Variants in ENTPD7 observed in about 807,000 individuals in gnomAD.
ENTPD7 encodes the protein NTPDase 7.
ENTPD7 carries 53 observed loss-of-function variants against 77.9 expected under a neutral mutation model. The observed-to-expected ratio is 0.68, with a 90% confidence interval of 0.55 to 0.85. The LOEUF (loss-of-function observed/expected upper bound fraction) is 0.85. Ranked by LOEUF, ENTPD7 falls within the 40% of genes least tolerant of loss-of-function variation. ENTPD7 has a pLI of 0.00. For synonymous variants in ENTPD7, 248 were observed against 274.9 expected, an observed-to-expected ratio of 0.90 and a Z score of 0.97; for missense variants, 636 against 743.7, an observed-to-expected ratio of 0.86 and a Z score of 1.68.
In ENTPD7 at chr10:99,672,307, C is replaced by CTT. The variant is rs35775014; in HGVS notation, c.192-6940_192-6939dup. 2.1e-3 allele frequency among the ~76,000 whole-genome samples: 296 copies of CTT among 138,674 alleles called. 2 individuals are homozygous for CTT. The highest frequency in any genetic ancestry group is 5.2e-3 in the African/African-American group (196 of 37,372). 91.0% of individuals were successfully genotyped at this position (138,674 alleles called of 152,430 possible). A position where few individuals can be genotyped will look rare whatever the true frequency, so the allele number is the denominator to read the frequency against. On this transcript the variant is annotated intron_variant, in intron 3 of 12. Transcript: ENST00000370489. ...TCCCACATTTATTCAGTTACTTGATCTTTTTTTTTTTTTTTGGAAACAGGG... is the reference window on the plus strand; with the variant it reads ...TCCCACATTTATTCAGTTACTTGATCTTTTTTTTTTTTTTTTTGGAAACAGGG...
chr10:99,662,400 G>A (rs560023818), intron 3 of ENTPD7, among the ~76,000 whole-genome samples: 2 of 152,020 alleles, frequency 1.3e-5, no homozygotes, highest in South Asian at 4.1e-4. Context: ...CTTCCTTCAA[G>A]TAATATTACT....
intron 11 of ENTPD7, among the ~76,000 whole-genome samples, 161 bp downstream of exon 11, chr10:99,701,219 T>C (rs1294098072): frequency 6.6e-6 from 1 of 152,158 alleles, no homozygotes; most frequent in African/African-American, 2.4e-5. Context: ...AGTGAGCCTA[T>C]TATAGCAAAG....
At chr10:99,665,231 G>A (rs927379222) in intron 3 of ENTPD7, among the ~76,000 whole-genome samples, 1 of 148,230 alleles carries the variant, frequency 6.7e-6, no homozygotes, top group African/African-American at 2.5e-5. Context: ...CCAGCCTGGG[G>A]GACAGAGTGA....
At position 99,698,837 on chromosome 10, in the gene ENTPD7, A is replaced by G. The variant is rs1330191682; in HGVS notation, c.1314A>G (p.Pro438=). ...GCATTGGTGGCCGCTACCATGGGCC[A>G]ACATTTGCCAAGGCTGCTCAGGTAA... ...VLRIGGRYHG[P]TFAKAAQDYC... The change falls in exon 10 of 13, where the codon CCA becomes CCG. Residue 438 remains proline (P), a synonymous_variant. Transcript: ENST00000370489. The G allele has an allele frequency of 6.2e-7, 1 of 1,604,570 alleles. No individual in the cohort carries two copies. The highest frequency in any genetic ancestry group is 1.7e-5 in the Admixed American group (1 of 59,082).
intron 3 of ENTPD7, among the ~76,000 whole-genome samples, chr10:99,678,840 G>A (rs908095693): frequency 6.7e-6 from 1 of 149,286 alleles, no homozygotes; most frequent in African/African-American, 2.5e-5. Flanking sequence ...CAATATTCTG[G>A]ATGCATCTAT....
At position 99,659,708 on chromosome 10, in the gene ENTPD7, C is replaced by T. The variant is rs2035452125; in HGVS notation, c.-96+120C>T. ...GGACAGAGCTGGCCCACGAGAACGC[C>T]CCGCTCCCAGGATGCCCGGGTAGGG... On this transcript the variant is annotated intron_variant, in intron 1 of 12. Coordinates refer to ENST00000370489, the MANE Select transcript of ENTPD7 (RefSeq NM_020354.5). The surrounding 1 kb of genome is among the most constrained non-coding windows in gnomAD (Gnocchi z 4.1). 1 of 478,928 alleles carries T rather than the reference C, an allele frequency of 2.1e-6. No individual in the cohort carries two copies. Among genetic ancestry groups the T allele is most frequent in the African/African-American group, 2.0e-5 (1 of 49,972 alleles). 29.7% of individuals were successfully genotyped at this position (478,928 alleles called of 1,614,324 possible).
At chr10:99,686,386 A>G (rs1355577528) in intron 6 of ENTPD7, among the ~76,000 whole-genome samples, 1 of 152,136 alleles carries the variant, frequency 6.6e-6, no homozygotes, top group Non-Finnish European at 1.5e-5. Flanking sequence ...TTGGGTTTGT[A>G]CTTTTAGAGT....
At chr10:99,660,548 AC>A in intron 2 of ENTPD7, 1 of 352,382 alleles carries the variant, frequency 2.8e-6, no homozygotes, top group Non-Finnish European at 5.7e-6. Context: ...ACACACACAC[AC>A]ACACACACAC....
intron 3 of ENTPD7, among the ~76,000 whole-genome samples, chr10:99,670,592 C>T (rs919778340): frequency 7.9e-5 from 12 of 152,148 alleles, no homozygotes; most frequent in Non-Finnish European, 1.5e-4. Flanking sequence ...GTGGTGTATA[C>T]GCTCCTAGCC....
chr10:99,660,100 C>G, intron 2 of ENTPD7, 136 bp downstream of exon 2: 2 of 1,330,988 alleles, frequency 1.5e-6, no homozygotes, highest in Non-Finnish European at 2.1e-6. Flanking sequence ...TAGTTGGATG[C>G]AGAGACGATC....
In ENTPD7 at chr10:99,669,192, T is replaced by C. The variant is rs2035588182; in HGVS notation, c.191+7564T>C. ...TGTCCTAGGCCCATTCATTGTTTTA[T>C]GGTCTTGACAAATAAGGCATTGCTT... On this transcript the variant is annotated intron_variant, in intron 3 of 12. Coordinates refer to ENST00000370489, the MANE Select transcript of ENTPD7 (RefSeq NM_020354.5). 5.9e-5 allele frequency among the ~76,000 whole-genome samples: 9 copies of C among 152,198 alleles called. No individual in the cohort carries two copies. The South Asian group carries it at 1.9e-3, about 32-fold the overall frequency.
chr10:99,664,632 A>G (rs886834234), intron 3 of ENTPD7, among the ~76,000 whole-genome samples: 7 of 150,304 alleles, frequency 4.7e-5, no homozygotes, highest in Non-Finnish European at 1.0e-4. Flanking sequence ...TGTATTTTTA[A>G]TAGAGATGGG....
rs2035969329 is a variant in ENTPD7 at position 99,696,064 on chromosome 10, AACTTTGCCCGGCAGCGCTAC to A, written c.953_972del (p.Asn318ArgfsTer7). ...CACAACTTTTCTGGGTTTCGGAGGC[AACTTTGCCCGGCAGCGCTAC>A]GAAGACCTTGTTCTGAATGAAACTC... On this transcript the variant is annotated frameshift_variant, in exon 9 of 13. Coordinates refer to ENST00000370489, the MANE Select transcript of ENTPD7 (RefSeq NM_020354.5). LOFTEE classifies it high-confidence loss of function. The A allele has an allele frequency of 6.2e-7, 1 of 1,614,106 alleles. No homozygotes were observed. The highest frequency in any genetic ancestry group is 8.5e-7 in the Non-Finnish European group (1 of 1,180,048).
chr10:99,670,029 G>A (rs1449482098), intron 3 of ENTPD7, among the ~76,000 whole-genome samples: 3 of 152,096 alleles, frequency 2.0e-5, no homozygotes, highest in African/African-American at 7.2e-5. Flanking sequence ...GATTACAGGC[G>A]TGAGTCACTG....
rs2036223438 is a variant in ENTPD7, at chr10:99,704,962, G to A, written c.*279G>A. ...AAGCAGGCTTCGACTCCTTCTGAGAGGTCTGGTGTGTTCCTAGAATCTCAC... is the reference window on the plus strand; with the variant it reads ...AAGCAGGCTTCGACTCCTTCTGAGAAGTCTGGTGTGTTCCTAGAATCTCAC... On this transcript the variant is annotated 3_prime_UTR_variant, in exon 13 of 13. Coordinates refer to ENST00000370489, the MANE Select transcript of ENTPD7 (RefSeq NM_020354.5). The A allele has an allele frequency of 4.6e-6, 2 of 439,270 alleles. No homozygotes were observed. The highest frequency in any genetic ancestry group is 2.8e-5 in the South Asian group (1 of 35,214). The allele number at this position is 439,270 out of a possible 1,614,324, so 27.2% of individuals were successfully genotyped here. A position where few individuals can be genotyped will look rare whatever the true frequency, so the allele number is the denominator to read the frequency against.
chr10:99,672,320 T>C (rs1366162233), intron 3 of ENTPD7, among the ~76,000 whole-genome samples: 1 of 151,286 alleles, frequency 6.6e-6, no homozygotes, highest in Non-Finnish European at 1.5e-5. Context: ...TTTTTTTTTT[T>C]TTGGAAACAG....
chr10:99,678,274 C>T (rs543370567), intron 3 of ENTPD7, among the ~76,000 whole-genome samples: 1 of 151,632 alleles, frequency 6.6e-6, no homozygotes, highest in African/African-American at 2.4e-5. Context: ...CGAGACCATC[C>T]TGGCTAACAC....
Position 99,707,098 on chromosome 10 carries a change from G to A in ENTPD7, c.*2415G>A, listed in dbSNP as rs2036269357. On this transcript the variant is annotated 3_prime_UTR_variant, in exon 13 of 13. Coordinates refer to ENST00000370489, the MANE Select transcript of ENTPD7 (RefSeq NM_020354.5). Reference sequence around the variant, plus strand: ...TGCTATTACTGTTCTTTTTATAGTTGAGAATCTCAGGATACCTACATTTAT... The same window carrying A: ...TGCTATTACTGTTCTTTTTATAGTTAAGAATCTCAGGATACCTACATTTAT... Among the ~76,000 whole-genome samples the A allele has an allele frequency of 6.6e-6, 1 of 152,152 alleles. No individual in the cohort carries two copies. Among genetic ancestry groups the A allele is most frequent in the Non-Finnish European group, 1.5e-5 (1 of 68,028 alleles).
intron 3 of ENTPD7, among the ~76,000 whole-genome samples, chr10:99,662,967 C>T (rs1274782220): frequency 2.6e-5 from 4 of 152,236 alleles, no homozygotes; most frequent in African/African-American, 7.2e-5. Flanking sequence ...GAGGCATTTA[C>T]GGGACTGAGG....
Sources: allele counts gnomAD v4.1 joint callset (sites outside exome capture counted in the v4.1 genomes callset), GRCh38; gene constraint gnomAD v4.1.1; non-coding constraint Gnocchi (gnomAD v3.1); transcripts MANE v1.5; gene names NCBI Gene and HGNC (gene_info 2026-07-23, HGNC 2026-07-21).